AXIN1: variants seen among roughly 807,000 people sequenced by gnomAD.
AXIN1 encodes axin 1, also known as axin-1.
A neutral mutation model predicts 76.4 loss-of-function variants in AXIN1; 30 were observed. The ratio of observed to expected loss-of-function variants is 0.39; its 90% CI spans 0.29 to 0.53. The LOEUF (loss-of-function observed/expected upper bound fraction) is 0.53. AXIN1 is among the 20% of genes least tolerant of loss of function. The probability of loss-of-function intolerance (pLI) is 0.66; values close to 1 mark genes in which losing one functional copy is unlikely to be tolerated. For synonymous variants in AXIN1, 545 were observed against 501.4 expected (o/e 1.09, Z -1.16); for missense variants, 1,140 against 1,198.8 (o/e 0.95, Z 0.72).
intron 2 of AXIN1, among the ~76,000 whole-genome samples, chr16:340,722 G>C (rs766484626): frequency 6.6e-6 from 1 of 152,228 alleles, no homozygotes; most frequent in African/African-American, 2.4e-5. Context: ...AGCCAGGGAG[G>C]AACCCCATGA....
At chr16:351,443 C>G (rs142766878) in intron 1 of AXIN1, among the ~76,000 whole-genome samples, 100 of 152,288 alleles carry the variant, frequency 6.6e-4, no homozygotes, top group Non-Finnish European at 1.2e-3. Context: ...AACCCTGTCT[C>G]TACTAAAAAT....
In AXIN1 at chr16:332,991, C is replaced by G. The variant is rs182152244; in HGVS notation, c.878+13157G>C. ...CTCAAGGCCTGGAGCTTGAGACCAGCCTGGGCAACACTGGGAGACCTTGTC... is the reference window on the plus strand; with the variant it reads ...CTCAAGGCCTGGAGCTTGAGACCAGGCTGGGCAACACTGGGAGACCTTGTC... On this transcript the variant is annotated intron_variant, in intron 2 of 10. Coordinates refer to ENST00000262320, the MANE Select transcript of AXIN1 (RefSeq NM_003502.4). Among the ~76,000 whole-genome samples the G allele has an allele frequency of 6.9e-4, 105 of 152,250 alleles. 1 individual carries two copies. Among genetic ancestry groups the G allele is most frequent in the South Asian group, 4.8e-3 (23 of 4,828 alleles).
At position 297,878 on chromosome 16, in the gene AXIN1, G is replaced by A. The variant is rs1410414430; in HGVS notation, c.1628C>T (p.Thr543Ile). ...RHVHHHVHHSTARPKEQVEAE... is the reference protein window; with the variant it reads ...RHVHHHVHHSIARPKEQVEAE... The stretch of plus-strand genomic sequence containing the variant: ...CTCCACCTGCTCCTTGGGCCGGGCT[G>A]TGCTGTGGTGGACGTGGTGGTGGAC... The change falls in exon 6 of 11, where the codon ACA (threonine) becomes ATA (isoleucine). Residue 543 changes from threonine to isoleucine, a missense_variant. Around this residue, in one of 3 missense-constraint regions of AXIN1, gnomAD observed 708 missense variants for 776.9 expected, o/e 0.91. Coordinates refer to ENST00000262320, the MANE Select transcript of AXIN1 (RefSeq NM_003502.4). 1 of 1,588,950 alleles carries A rather than the reference G, an allele frequency of 6.3e-7. No individual in the cohort carries two copies. The highest frequency in any genetic ancestry group is 2.2e-5 in the East Asian group (1 of 44,554).
chr16:351,954 GCA>G (rs2054154363), intron 1 of AXIN1, among the ~76,000 whole-genome samples: 2 of 152,182 alleles, frequency 1.3e-5, no homozygotes, highest in Non-Finnish European at 2.9e-5. Flanking sequence ...GGGCAGCAAG[GCA>G]TCAACCTGGA....
At chr16:301,168 G>A (rs2085829342) in intron 5 of AXIN1, among the ~76,000 whole-genome samples, 1 of 152,104 alleles carries the variant, frequency 6.6e-6, no homozygotes, top group Admixed American at 6.6e-5. Context: ...CTACTGGGGA[G>A]GCTGAGGCAG....
intron 2 of AXIN1, among the ~76,000 whole-genome samples, chr16:318,785 A>C (rs376358331): frequency 5.3e-5 from 8 of 152,290 alleles, no homozygotes; most frequent in African/African-American, 9.6e-5. Context: ...ACCTCCACCT[A>C]CACCTGCACT....
chr16:341,625 G>A (rs1350014546), intron 2 of AXIN1, among the ~76,000 whole-genome samples: 1 of 152,262 alleles, frequency 6.6e-6, no homozygotes, highest in African/African-American at 2.4e-5. Flanking sequence ...GCTGAGGAGT[G>A]CGGGCGCACG....
chr16:332,359 C>T (rs540912804), intron 2 of AXIN1, among the ~76,000 whole-genome samples: 82 of 152,076 alleles, frequency 5.4e-4, no homozygotes, highest in Non-Finnish European at 9.4e-4. Context: ...GGGCGGATCA[C>T]GAGATCAGGA....
intron 4 of AXIN1, among the ~76,000 whole-genome samples, chr16:305,054 A>C (rs903875361): frequency 1.3e-5 from 2 of 152,178 alleles, no homozygotes; most frequent in Non-Finnish European, 2.9e-5. Context: ...CACTTCAGAG[A>C]AGCACTCGAG....
intron 1 of AXIN1, 59 bp from the exon 2 acceptor site, chr16:347,165 G>C (rs2054050260): frequency 2.7e-6 from 4 of 1,484,090 alleles, no homozygotes; most frequent in Admixed American, 1.8e-5. Flanking sequence ...AACACGACCA[G>C]AGGTTTTCTC....
At chr16:351,502 C>G (rs1461023772) in intron 1 of AXIN1, among the ~76,000 whole-genome samples, 1 of 151,806 alleles carries the variant, frequency 6.6e-6, no homozygotes, top group Non-Finnish European at 1.5e-5. Flanking sequence ...CCCAGCTACT[C>G]AGGCGGCTGA....
At position 310,027 on chromosome 16, in the gene AXIN1, C is replaced by A. The variant is rs2141573542; in HGVS notation, c.1062G>T (p.Arg354Ser). Residue 354 changes from arginine to serine, a missense_variant, in exon 4 of 11, where the codon AGG becomes AGT. By Grantham distance (110) the Arg-to-Ser change is moderately radical. Coordinates refer to ENST00000262320, the MANE Select transcript of AXIN1 (RefSeq NM_003502.4). Reference sequence around the variant, plus strand: ...TGACCTGCACGCTCTCCTGCATCTCCCTGCGGTGCTGCTTACGGATCCTGT... The same window carrying A: ...TGACCTGCACGCTCTCCTGCATCTCACTGCGGTGCTGCTTACGGATCCTGT... ...PPYRIRKQHR[R>S]EMQESVQVNG... The A allele has an allele frequency of 6.2e-7, 1 of 1,613,380 alleles. No individual in the cohort carries two copies. The highest frequency in any genetic ancestry group is 1.7e-5 in the Admixed American group (1 of 60,008).
chr16:351,301 G>A (rs898473222), intron 1 of AXIN1, among the ~76,000 whole-genome samples: 1 of 151,712 alleles, frequency 6.6e-6, no homozygotes, highest in African/African-American at 2.4e-5. Flanking sequence ...ATGCACATAA[G>A]AACCCTTTAT....
At chr16:326,569 A>G (rs996849913) in intron 2 of AXIN1, among the ~76,000 whole-genome samples, 3 of 150,556 alleles carry the variant, frequency 2.0e-5, no homozygotes, top group African/African-American at 7.3e-5. Flanking sequence ...CAACATGGTG[A>G]AACCCCATCT....
In AXIN1 at chr16:346,843, C is replaced by T. The variant is rs777785056; in HGVS notation, c.183G>A (p.Pro61=). 8.1e-6 allele frequency: 13 copies of T among 1,613,608 alleles called. No homozygotes were observed. Among genetic ancestry groups the T allele is most frequent in the African/African-American group, 1.3e-5 (1 of 75,066 alleles). Reference sequence around the variant, plus strand: ...ACCCCAGGTCCAGATCCGAGCGCCTCGGAGTGGCCGTCGAAGTCTCACCTT... The same window carrying T: ...ACCCCAGGTCCAGATCCGAGCGCCTTGGAGTGGCCGTCGAAGTCTCACCTT... ...GIKGETSTAT[P]RRSDLDLGYE... Residue 61 remains proline (P), a synonymous_variant, in exon 2 of 11, where the codon CCG becomes CCA. Coordinates refer to ENST00000262320, the MANE Select transcript of AXIN1 (RefSeq NM_003502.4).
intron 7 of AXIN1, among the ~76,000 whole-genome samples, chr16:294,460 CAAAAAAAAAAA>C (rs35746106): frequency 2.1e-5 from 1 of 48,288 alleles, no homozygotes; most frequent in African/African-American, 8.5e-5. Context: ...GACTCCATCT[CAAAAAAAAAAA>C]AAAAAAAAAA....
At chr16:321,775 G>A (rs768731122) in intron 2 of AXIN1, among the ~76,000 whole-genome samples, 30 of 151,654 alleles carry the variant, frequency 2.0e-4, no homozygotes, top group South Asian at 4.2e-4. Context: ...TCCAACCCAC[G>A]AAGGGTTAAA....
rs2141516830 is a variant in AXIN1 at position 298,260 on chromosome 16, G to A, written c.1255-9C>T. On this transcript the variant is annotated splice_polypyrimidine_tract_variant and intron_variant, in intron 5 of 10. Coordinates refer to ENST00000262320, the MANE Select transcript of AXIN1 (RefSeq NM_003502.4). The stretch of plus-strand genomic sequence containing the variant: ...TCCTCACCTTCCTCCTCCTGTGTGG[G>A]GACAAGCAGCACCATCACCTCTCAG... 3.3e-6 allele frequency: 5 copies of A among 1,538,308 alleles called. No individual in the cohort carries two copies. The highest frequency in any genetic ancestry group is 4.4e-6 in the Non-Finnish European group (5 of 1,146,944).
At chr16:350,601 C>T (rs1029690976) in intron 1 of AXIN1, among the ~76,000 whole-genome samples, 2 of 152,194 alleles carry the variant, frequency 1.3e-5, no homozygotes, top group Admixed American at 6.5e-5. Flanking sequence ...TAACACAACA[C>T]GACTCTGACA....
Sources: allele counts gnomAD v4.1 joint callset (sites outside exome capture counted in the v4.1 genomes callset), GRCh38; gene constraint gnomAD v4.1.1; regional missense constraint gnomAD v4.1.1; transcripts MANE v1.5; gene names NCBI Gene and HGNC (gene_info 2026-07-23, HGNC 2026-07-21).